The following KCNB2 variants were observed in gnomAD, a reference collection of about 807,000 sequenced individuals.
KCNB2 encodes delayed rectifier potassium channel protein.
In KCNB2, 15 loss-of-function variants were observed where a neutral mutation model predicts 61.5. The ratio of observed to expected loss-of-function variants is 0.24; its 90% CI spans 0.16 to 0.38. KCNB2 has a LOEUF of 0.38. Ranked by LOEUF, KCNB2 falls within the 10% of genes least tolerant of loss-of-function variation. KCNB2 has a pLI of 1.00. For synonymous variants in KCNB2, 457 were observed against 446.0 expected, an observed-to-expected ratio of 1.02 and a Z score of -0.31; for missense variants, 828 against 1,125.2, an observed-to-expected ratio of 0.74 and a Z score of 3.78.
chr8:72,927,596 G>C (rs550672897), intron 2 of KCNB2, among the ~76,000 whole-genome samples: 1 of 152,250 alleles, frequency 6.6e-6, no homozygotes, highest in South Asian at 2.1e-4. Context: ...GCCTCTGCCT[G>C]CATTCAACCA....
At chr8:72,839,769 C>A (rs1387084200) in intron 2 of KCNB2, among the ~76,000 whole-genome samples, 1 of 151,814 alleles carries the variant, frequency 6.6e-6, no homozygotes, top group Non-Finnish European at 1.5e-5. Flanking sequence ...CCCGCCACCA[C>A]GCCCGGCTAA....
intron 2 of KCNB2, among the ~76,000 whole-genome samples, chr8:72,801,931 G>C (rs1384826642): frequency 1.3e-5 from 2 of 152,084 alleles, no homozygotes; most frequent in East Asian, 3.9e-4. Context: ...GTTCCTCTAG[G>C]CTCTAAGAAG....
At chr8:72,805,878 T>C (rs1354091479) in intron 2 of KCNB2, among the ~76,000 whole-genome samples, 1 of 151,862 alleles carries the variant, frequency 6.6e-6, no homozygotes, top group Non-Finnish European at 1.5e-5. Context: ...ATAATGTCCT[T>C]CTCTATTAGC....
intron 2 of KCNB2, among the ~76,000 whole-genome samples, chr8:72,572,467 GCT>G (rs995927021): frequency 6.6e-6 from 1 of 152,024 alleles, no homozygotes; most frequent in Non-Finnish European, 1.5e-5. Flanking sequence ...TTTAGGATCT[GCT>G]TCCCACTCCT....
At chr8:72,583,228 C>T (rs1006566750) in intron 2 of KCNB2, among the ~76,000 whole-genome samples, 1 of 152,102 alleles carries the variant, frequency 6.6e-6, no homozygotes, top group Non-Finnish European at 1.5e-5. Flanking sequence ...CAGAAAGAGC[C>T]TTAATCAGTC....
At chr8:72,807,217 C>G (rs1809239637) in intron 2 of KCNB2, among the ~76,000 whole-genome samples, 1 of 152,174 alleles carries the variant, frequency 6.6e-6, no homozygotes, top group Non-Finnish European at 1.5e-5. Context: ...GTTCACAGCA[C>G]GCAGCCATGT....
intron 1 of KCNB2, among the ~76,000 whole-genome samples, chr8:72,558,152 A>G (rs1268036975): frequency 6.6e-6 from 1 of 152,230 alleles, no homozygotes; most frequent in African/African-American, 2.4e-5. Context: ...AATTTTAAAT[A>G]ACTCACGTCA....
chr8:72,676,503 C>T (rs1241279365), intron 2 of KCNB2, among the ~76,000 whole-genome samples: 3 of 150,630 alleles, frequency 2.0e-5, no homozygotes, highest in African/African-American at 7.3e-5. Context: ...ACTAATCCAC[C>T]ATTCTAGGTG....
At chr8:72,613,897 G>A (rs1805577525) in intron 2 of KCNB2, among the ~76,000 whole-genome samples, 1 of 152,168 alleles carries the variant, frequency 6.6e-6, no homozygotes, top group Admixed American at 6.6e-5. Flanking sequence ...CAGTTATTCA[G>A]ATGGGATCTT....
At chr8:72,780,751 C>A (rs1324341460) in intron 2 of KCNB2, among the ~76,000 whole-genome samples, 1 of 152,096 alleles carries the variant, frequency 6.6e-6, no homozygotes, top group Non-Finnish European at 1.5e-5. Context: ...AATGGGATTG[C>A]TGGGTTAAAT....
At chr8:72,889,754 C>T (rs1240572018) in intron 2 of KCNB2, among the ~76,000 whole-genome samples, 1 of 151,942 alleles carries the variant, frequency 6.6e-6, no homozygotes, top group Middle Eastern at 3.2e-3. Context: ...ACTCTTGGCA[C>T]CCAAACTCCA....
intron 2 of KCNB2, among the ~76,000 whole-genome samples, chr8:72,753,420 C>T (rs148252037): frequency 1.3e-5 from 2 of 152,206 alleles, no homozygotes; most frequent in African/African-American, 2.4e-5. Context: ...ATCAGGCAAG[C>T]GCAGTGTCTG....
chr8:72,723,687 T>C (rs911582734), intron 2 of KCNB2, among the ~76,000 whole-genome samples: 16 of 152,126 alleles, frequency 1.1e-4, no homozygotes, highest in African/African-American at 3.9e-4. Context: ...TCCCTTACTC[T>C]CACAATCTAA....
rs867469749 is a variant in KCNB2 at position 72,813,921 on chromosome 8, T to C, written c.580-122014T>C. Among the ~76,000 whole-genome samples the C allele has an allele frequency of 5.3e-5, 8 of 152,328 alleles. No homozygotes were observed. The South Asian group carries it at 1.0e-3, about 20-fold the overall frequency. On this transcript the variant is annotated intron_variant, in intron 2 of 2. Coordinates refer to ENST00000523207, the MANE Select transcript of KCNB2 (RefSeq NM_004770.3). ...GTGCACAACGTGCAGGTTTGTTACA[T>C]AGGTATACGTGTGCCATGCTGGTTT...
intron 2 of KCNB2, among the ~76,000 whole-genome samples, chr8:72,890,191 A>C (rs972917643): frequency 5.3e-5 from 8 of 152,190 alleles, no homozygotes; most frequent in African/African-American, 1.9e-4. Flanking sequence ...TGATTCATCT[A>C]CCTAAATACA....
At chr8:72,642,957 G>A (rs542800194) in intron 2 of KCNB2, among the ~76,000 whole-genome samples, 57 of 152,232 alleles carry the variant, frequency 3.7e-4, no homozygotes, top group African/African-American at 1.3e-3. Context: ...TCAAGAAATA[G>A]CTATTTTAAC....
At chr8:72,709,990 C>T (rs1451957118) in intron 2 of KCNB2, among the ~76,000 whole-genome samples, 1 of 152,132 alleles carries the variant, frequency 6.6e-6, no homozygotes, top group Admixed American at 6.6e-5. Flanking sequence ...TTGACTTTGT[C>T]ACCTCCTGCA....
At chr8:72,827,477 A>G (rs1332968037) in intron 2 of KCNB2, among the ~76,000 whole-genome samples, 1 of 152,206 alleles carries the variant, frequency 6.6e-6, no homozygotes, top group East Asian at 1.9e-4. Flanking sequence ...AATGAGAAAA[A>G]TGCTTTAATT....
At chr8:72,853,191 G>A (rs1810150447) in intron 2 of KCNB2, among the ~76,000 whole-genome samples, 1 of 152,186 alleles carries the variant, frequency 6.6e-6, no homozygotes, top group African/African-American at 2.4e-5. Context: ...ACTGCTCAGA[G>A]TGTTGGCTCC....
Sources: gnomAD v4.1 joint callset for allele counts (sites outside exome capture counted in the v4.1 genomes callset) on GRCh38, gnomAD v4.1.1 for gene constraint, MANE v1.5 for transcripts, NCBI Gene and HGNC (gene_info 2026-07-23, HGNC 2026-07-21) for gene names.